Variants in FBXL7 observed in about 807,000 individuals in gnomAD.
FBXL7 encodes F-box/LRR-repeat protein 7.
In FBXL7, 12 loss-of-function variants were observed where a neutral mutation model predicts 38.3. That is an observed-to-expected ratio of 0.31 (90% confidence interval 0.20 to 0.51). The LOEUF (loss-of-function observed/expected upper bound fraction) is 0.51, where lower values mean the gene tolerates loss of function less well. Among genes scored for constraint, FBXL7 ranks in the 20% least tolerant of loss-of-function variants. FBXL7 has a pLI of 0.98. For synonymous variants in FBXL7, 297 were observed against 300.9 expected (o/e 0.99, Z 0.13); for missense variants, 567 against 676.4 (o/e 0.84, Z 1.79).
At chr5:15,840,803 C>T (rs190543171) in intron 2 of FBXL7, among the ~76,000 whole-genome samples, 2,102 of 142,054 alleles carry the variant, frequency 0.015, 137 homozygotes, top group Admixed American at 0.12. Context: ...GCTGAGATCA[C>T]GCCACTGCAC....
chr5:15,595,831 C>T (rs1478191259), intron 1 of FBXL7, among the ~76,000 whole-genome samples: 1 of 152,180 alleles, frequency 6.6e-6, no homozygotes, highest in African/African-American at 2.4e-5. Flanking sequence ...GTGGTGAGGT[C>T]TCTGATGCCT....
At chr5:15,603,131 C>T (rs1225300975) in intron 1 of FBXL7, among the ~76,000 whole-genome samples, 2 of 152,210 alleles carry the variant, frequency 1.3e-5, no homozygotes, top group Non-Finnish European at 2.9e-5. Context: ...GGAGCCACTG[C>T]CCAACCTCAT....
chr5:15,913,851 G>A (rs1741509927), intron 2 of FBXL7, among the ~76,000 whole-genome samples: 1 of 152,142 alleles, frequency 6.6e-6, no homozygotes, highest in African/African-American at 2.4e-5. Context: ...CTGGAAGACA[G>A]GGAATTAGAA....
intron 2 of FBXL7, among the ~76,000 whole-genome samples, chr5:15,738,377 C>A (rs952597150): frequency 6.6e-6 from 1 of 152,092 alleles, no homozygotes; most frequent in African/African-American, 2.4e-5. Context: ...ACCTATCATA[C>A]CTAATTGTAA....
At position 15,749,244 on chromosome 5, in the gene FBXL7, C is replaced by CAAA. The variant is rs70938027; in HGVS notation, c.127+133194_127+133196dup. ...TGGCCAACAGAGTGAGACTCTGTCT[C>CAAA]AAAAAAAAAAAAAAAAAAAAAAAAT... is the stretch of plus-strand genomic sequence containing the variant. On this transcript the variant is annotated intron_variant, in intron 2 of 3. Transcript: ENST00000504595. Among the ~76,000 whole-genome samples the CAAA allele has an allele frequency of 3.0e-3, 210 of 69,986 alleles. 6 individuals carry two copies. Among genetic ancestry groups the CAAA allele is most frequent in the African/African-American group, 8.0e-3 (130 of 16,208 alleles). The allele number at this position is 69,986 out of a possible 152,430, so 45.9% of individuals were successfully genotyped here.
chr5:15,851,167 C>G (rs1739083476), intron 2 of FBXL7, among the ~76,000 whole-genome samples: 1 of 152,188 alleles, frequency 6.6e-6, no homozygotes, highest in Non-Finnish European at 1.5e-5. Flanking sequence ...CAGGTCCGTT[C>G]ACAATCACTC....
chr5:15,837,073 C>T (rs1471764117), intron 2 of FBXL7, among the ~76,000 whole-genome samples: 1 of 152,164 alleles, frequency 6.6e-6, no homozygotes, highest in Non-Finnish European at 1.5e-5. Context: ...AATATTGTGT[C>T]ACTCATTAAT....
chr5:15,629,988 C>G (rs553976861), intron 2 of FBXL7, among the ~76,000 whole-genome samples: 12 of 152,114 alleles, frequency 7.9e-5, no homozygotes, highest in Non-Finnish European at 1.6e-4. Flanking sequence ...CAGTTATTTA[C>G]TCTTAGTTGT....
chr5:15,804,979 T>G (rs2126745746), intron 2 of FBXL7, among the ~76,000 whole-genome samples: 1 of 147,810 alleles, frequency 6.8e-6, no homozygotes. Flanking sequence ...AAGATCAAGA[T>G]GTCAGCAGGG....
chr5:15,638,032 C>G (rs1248855204), intron 2 of FBXL7, among the ~76,000 whole-genome samples: 2 of 152,220 alleles, frequency 1.3e-5, no homozygotes, highest in Non-Finnish European at 2.9e-5. Context: ...AACACCTCCC[C>G]TAGGTCAGGC....
intron 1 of FBXL7, among the ~76,000 whole-genome samples, chr5:15,544,543 G>A (rs1343972525): frequency 6.6e-6 from 1 of 151,902 alleles, no homozygotes; most frequent in African/African-American, 2.4e-5. Context: ...CCATTTTTAG[G>A]GTAGCCTGTA....
chr5:15,721,149 A>G (rs750171082), intron 2 of FBXL7, among the ~76,000 whole-genome samples: 1 of 152,214 alleles, frequency 6.6e-6, no homozygotes, highest in Non-Finnish European at 1.5e-5. Flanking sequence ...ATTCATATAC[A>G]TCTTTGAAGC....
chr5:15,651,962 A>T (rs1461412746), intron 2 of FBXL7, among the ~76,000 whole-genome samples: 1 of 152,248 alleles, frequency 6.6e-6, no homozygotes. Flanking sequence ...TGCAGCTTCT[A>T]CAACAGCATT....
chr5:15,805,921 G>A (rs1737699927), intron 2 of FBXL7, among the ~76,000 whole-genome samples: 1 of 152,100 alleles, frequency 6.6e-6, no homozygotes, highest in African/African-American at 2.4e-5. Flanking sequence ...TCTTTTCTCA[G>A]GCTATGAATA....
chr5:15,769,696 CAAAT>C (rs958926425), intron 2 of FBXL7, among the ~76,000 whole-genome samples: 3 of 146,360 alleles, frequency 2.0e-5, no homozygotes, highest in African/African-American at 7.6e-5. Context: ...GCAGATATGA[CAAAT>C]AAATTCAGTA....
At chr5:15,856,871 T>A (rs1268067959) in intron 2 of FBXL7, among the ~76,000 whole-genome samples, 2 of 152,240 alleles carry the variant, frequency 1.3e-5, no homozygotes, top group East Asian at 1.9e-4. Flanking sequence ...TTATCTGTCA[T>A]AGTTAACCAG....
chr5:15,744,005 G>A (rs1735954159), intron 2 of FBXL7, among the ~76,000 whole-genome samples: 1 of 152,138 alleles, frequency 6.6e-6, no homozygotes, highest in Admixed American at 6.5e-5. Context: ...ACACATCAGG[G>A]GTCTCTGAAC....
intron 1 of FBXL7, among the ~76,000 whole-genome samples, chr5:15,519,678 A>G (rs992833252): frequency 6.6e-6 from 1 of 152,150 alleles, no homozygotes. Context: ...AATCTGAGAA[A>G]GAGTTTGAGC....
chr5:15,625,209 A>G (rs886690170), intron 2 of FBXL7, among the ~76,000 whole-genome samples: 4 of 152,216 alleles, frequency 2.6e-5, no homozygotes, highest in African/African-American at 9.6e-5. Flanking sequence ...ATTGTTGAAG[A>G]TTTAGTCTGC....
Sources: allele counts gnomAD v4.1 joint callset (sites outside exome capture counted in the v4.1 genomes callset), GRCh38; gene constraint gnomAD v4.1.1; transcripts MANE v1.5; gene names NCBI Gene and HGNC (gene_info 2026-07-23, HGNC 2026-07-21).